The following SLC39A10 variants were observed in gnomAD, a reference collection of about 807,000 sequenced individuals.
SLC39A10 encodes the protein solute carrier family 39 member 10, also known as zinc transporter ZIP10.
A neutral mutation model predicts 65.1 loss-of-function variants in SLC39A10; 13 were observed. The ratio of observed to expected loss-of-function variants is 0.20; its 90% confidence interval spans 0.13 to 0.32. The LOEUF (loss-of-function observed/expected upper bound fraction) is 0.32, where lower values mean the gene tolerates loss of function less well. SLC39A10 is among the 10% of genes least tolerant of loss of function. The pLI is 1.00. For synonymous variants in SLC39A10, 321 were observed against 342.2 expected (o/e 0.94, Z 0.68); for missense variants, 831 against 1,018.4 (o/e 0.82, Z 2.50).
chr2:195,705,762 A>G (rs990472417), intron 3 of SLC39A10, among the ~76,000 whole-genome samples: 3 of 152,130 alleles, frequency 2.0e-5, no homozygotes, highest in Non-Finnish European at 4.4e-5. Flanking sequence ...TAACATTTCT[A>G]TTTCATTTTA....
At position 195,737,552 on chromosome 2, in the gene SLC39A10, G is replaced by C. The variant is rs1368348436; in HGVS notation, c.*2511G>C. 1 of 175,910 alleles carries C rather than the reference G, an allele frequency of 5.7e-6. No individual in the cohort carries two copies. Among genetic ancestry groups the C allele is most frequent in the Non-Finnish European group, 1.2e-5 (1 of 82,228 alleles). 10.9% of individuals were successfully genotyped at this position (175,910 alleles called of 1,614,324 possible). A position where few individuals can be genotyped will look rare whatever the true frequency, so the allele number is the denominator to read the frequency against. On this transcript the variant is annotated 3_prime_UTR_variant, in exon 10 of 10. Transcript: ENST00000359634. Reference sequence around the variant, plus strand: ...GCTAAAATATCTAAACTTTTGTTTTGTTTTAACTGAATCATTTTTTAACTT... The same window carrying C: ...GCTAAAATATCTAAACTTTTGTTTTCTTTTAACTGAATCATTTTTTAACTT...
At chr2:195,719,867 C>T in intron 8 of SLC39A10, among the ~76,000 whole-genome samples, 1 of 150,766 alleles carries the variant, frequency 6.6e-6, no homozygotes, top group East Asian at 1.9e-4. Flanking sequence ...CTCGGCTCAC[C>T]TCAACCTCCG....
intron 1 of SLC39A10, among the ~76,000 whole-genome samples, chr2:195,666,241 A>G (rs111253858): frequency 1.3e-5 from 2 of 152,202 alleles, no homozygotes; most frequent in Admixed American, 6.5e-5. Context: ...AAAAAAGTCA[A>G]TGTTATACAA....
intron 7 of SLC39A10, among the ~76,000 whole-genome samples, chr2:195,717,659 A>G (rs1343411950): frequency 1.3e-5 from 2 of 152,026 alleles, no homozygotes; most frequent in African/African-American, 4.8e-5. Flanking sequence ...GCCTCAAGCA[A>G]CCCTTCTGCC....
At chr2:195,643,260 GC>G (rs1178745318) in intron 2 of SLC39A10, among the ~76,000 whole-genome samples, 4 of 152,044 alleles carry the variant, frequency 2.6e-5, no homozygotes, top group African/African-American at 4.8e-5. Context: ...TGGAAGCCCA[GC>G]TGCAATAGAT....
intron 1 of SLC39A10, among the ~76,000 whole-genome samples, chr2:195,662,932 A>C (rs1353090986): frequency 6.6e-6 from 1 of 152,208 alleles, no homozygotes. Flanking sequence ...TTCTTTACCT[A>C]CATAGTAGAG....
intron 2 of SLC39A10, among the ~76,000 whole-genome samples, chr2:195,640,456 C>T (rs1688786258): frequency 1.3e-5 from 2 of 151,704 alleles, no homozygotes; most frequent in South Asian, 4.2e-4. Flanking sequence ...AAAATAGTTA[C>T]TGTTTGTTCT....
At chr2:195,652,905 A>T (rs1307983344), upstream of SLC39A10, among the ~76,000 whole-genome samples, 6 of 152,192 alleles carry the variant, frequency 3.9e-5, no homozygotes, top group Non-Finnish European at 8.8e-5. Flanking sequence ...TCATAGGAGC[A>T]CAAACCCTAT....
At chr2:195,714,913 C>T (rs1484139139) in intron 6 of SLC39A10, among the ~76,000 whole-genome samples, 9 of 151,580 alleles carry the variant, frequency 5.9e-5, no homozygotes, top group Non-Finnish European at 8.8e-5. Context: ...CCATCACGCC[C>T]GTCTAATTTT....
Position 195,716,607 on chromosome 2 carries a change from G to A in SLC39A10, c.1697-30G>A, listed in dbSNP as rs758579415. The A allele has an allele frequency of 4.5e-6, 7 of 1,543,824 alleles. No homozygotes were observed. In the South Asian group the frequency reaches 5.2e-5, roughly 11 times the overall value. On this transcript the variant is annotated intron_variant, in intron 6 of 9. Coordinates refer to ENST00000359634, the MANE Select transcript of SLC39A10 (RefSeq NM_020342.3). The stretch of plus-strand genomic sequence containing the variant: ...GCAAATATCCATGCATTTAATTATT[G>A]ATAAAGCATATCCTTTGCTATAAAT...
intron 5 of SLC39A10, among the ~76,000 whole-genome samples, chr2:195,712,118 G>A (rs527567103): frequency 1.3e-5 from 2 of 152,310 alleles, no homozygotes; most frequent in South Asian, 4.1e-4. Flanking sequence ...GTATAGGGCT[G>A]GAAAGTCCAA....
chr2:195,649,226 T>C (rs1324077002), intron 2 of SLC39A10, among the ~76,000 whole-genome samples: 2 of 152,242 alleles, frequency 1.3e-5, no homozygotes, highest in East Asian at 3.8e-4. Flanking sequence ...AATGTGAAAG[T>C]GGCTTATTGT....
At chr2:195,677,500 C>CGA (rs1233561504) in intron 1 of SLC39A10, among the ~76,000 whole-genome samples, 9 of 152,048 alleles carry the variant, frequency 5.9e-5, no homozygotes, top group Non-Finnish European at 1.0e-4. Context: ...CGCCACTGTA[C>CGA]TCTAGCCTGG....
At chr2:195,621,204 A>G (rs1484070722) in intron 2 of SLC39A10, among the ~76,000 whole-genome samples, 1 of 152,262 alleles carries the variant, frequency 6.6e-6, no homozygotes, top group African/African-American at 2.4e-5. Context: ...TTTTGGAATC[A>G]TAGTGAATTA....
At chr2:195,684,862 T>G (rs1388858063) in intron 3 of SLC39A10, among the ~76,000 whole-genome samples, 1 of 152,190 alleles carries the variant, frequency 6.6e-6, no homozygotes, top group East Asian at 1.9e-4. Flanking sequence ...CAGAATTTTT[T>G]CTTTATAGTG....
chr2:195,711,727 G>C (rs1018073173), intron 5 of SLC39A10, among the ~76,000 whole-genome samples: 4 of 152,216 alleles, frequency 2.6e-5, no homozygotes, highest in African/African-American at 9.6e-5. Context: ...TGGGGACCTT[G>C]AGGGTAATGA....
In SLC39A10 at chr2:195,735,522, C is replaced by T. The variant is rs1692563472; in HGVS notation, c.*481C>T. On this transcript the variant is annotated 3_prime_UTR_variant, in exon 10 of 10. Transcript: ENST00000359634. The stretch of plus-strand genomic sequence containing the variant: ...GGTGATAGGGATCAACTTGACACAA[C>T]TTTGAAACTGCATAAAGTAGACATA... 6.6e-6 allele frequency: 1 copy of T among 152,604 alleles called. No individual in the cohort carries two copies. The highest frequency in any genetic ancestry group is 1.5e-5 in the Non-Finnish European group (1 of 68,050). The allele number at this position is 152,604 out of a possible 1,614,324, so 9.5% of individuals were successfully genotyped here. A position where few individuals can be genotyped will look rare whatever the true frequency, so the allele number is the denominator to read the frequency against.
chr2:195,694,513 G>A (rs1233765933), intron 3 of SLC39A10, among the ~76,000 whole-genome samples: 1 of 152,108 alleles, frequency 6.6e-6, no homozygotes, highest in Non-Finnish European at 1.5e-5. Context: ...GATTGTTTTT[G>A]TTCTTCTGGG....
rs1353311098 is a variant in SLC39A10 at position 195,728,217 on chromosome 2, C to T, written c.2205C>T (p.Asn735=). The change falls in exon 9 of 10, where the codon AAC becomes AAT. Residue 735 remains asparagine, a synonymous_variant. Transcript: ENST00000359634. The surrounding 1 kb of genome is among the most constrained non-coding windows in gnomAD (Gnocchi z 4.4). ...GMTVKQAIVY[N]LLSAMMAYIG... ...CTGTAAAGCAAGCAATTGTATACAA[C>T]CTCCTCTCTGCCATGATGGCTTACA... 1.2e-6 allele frequency: 2 copies of T among 1,614,028 alleles called. No individual in the cohort carries two copies. Among genetic ancestry groups the T allele is most frequent in the Admixed American group, 1.7e-5 (1 of 60,026 alleles).
Sources: gnomAD v4.1 joint callset for allele counts (sites outside exome capture counted in the v4.1 genomes callset) on GRCh38, gnomAD v4.1.1 for gene constraint, Gnocchi (gnomAD v3.1) non-coding constraint, MANE v1.5 for transcripts, NCBI Gene and HGNC (gene_info 2026-07-23, HGNC 2026-07-21) for gene names.